Variants in CCSER1 observed in about 807,000 individuals in gnomAD.
CCSER1 encodes coiled-coil serine rich protein 1.
A neutral mutation model predicts 82.0 loss-of-function variants in CCSER1; 41 were observed. The ratio of observed to expected loss-of-function variants is 0.50; its 90% CI spans 0.39 to 0.65. The LOEUF (loss-of-function observed/expected upper bound fraction) is 0.65. Ranked by LOEUF, CCSER1 falls within the 30% of genes least tolerant of loss-of-function variation. The pLI is 0.00. For missense variants in CCSER1, 1,119 were observed against 1,064.2 expected, an observed-to-expected ratio of 1.05 and a Z score of -0.72; for synonymous variants, 414 against 383.9, an observed-to-expected ratio of 1.08 and a Z score of -0.92.
chr4:90,654,660 T>C (rs1182421720), intron 6 of CCSER1, among the ~76,000 whole-genome samples: 2 of 152,086 alleles, frequency 1.3e-5, no homozygotes, highest in Non-Finnish European at 2.9e-5. Context: ...AAACCACTTA[T>C]TTAGCCCTTT....
chr4:91,517,904 G>T (rs185168603), intron 10 of CCSER1, among the ~76,000 whole-genome samples: 1 of 135,834 alleles, frequency 7.4e-6, no homozygotes. Flanking sequence ...GTTTCACAGG[G>T]GGGGTATGAT....
At chr4:90,755,712 T>C (rs530297115) in intron 7 of CCSER1, among the ~76,000 whole-genome samples, 6 of 152,210 alleles carry the variant, frequency 3.9e-5, no homozygotes, top group South Asian at 2.1e-4. Context: ...CAAAACACTG[T>C]ATACTGTGAT....
intron 8 of CCSER1, among the ~76,000 whole-genome samples, chr4:90,843,929 A>G (rs908626626): frequency 6.6e-6 from 1 of 152,110 alleles, no homozygotes; most frequent in African/African-American, 2.4e-5. Context: ...TAAAGGTAAC[A>G]ATATAAAATG....
rs564904440 is a variant in CCSER1 at position 91,167,875 on chromosome 4, C to T, written c.2217+81881C>T. Among the ~76,000 whole-genome samples, 13 of 152,372 alleles carry T rather than the reference C, an allele frequency of 8.5e-5. 1 individual carries two copies. In the South Asian group the frequency reaches 2.5e-3, roughly 29 times the overall value. On this transcript the variant is annotated intron_variant, in intron 10 of 10. Transcript: ENST00000509176. ...ACAAACAAATTATGGCTGCTCACCCCATCTGGGAACTGAGGAGTGCCTCTG... is the reference window on the plus strand; with the variant it reads ...ACAAACAAATTATGGCTGCTCACCCTATCTGGGAACTGAGGAGTGCCTCTG...
At chr4:90,143,938 C>G (rs1010549797) in intron 1 of CCSER1, among the ~76,000 whole-genome samples, 17 of 152,170 alleles carry the variant, frequency 1.1e-4, no homozygotes, top group Non-Finnish European at 2.2e-4. Flanking sequence ...AGTCCTCCCA[C>G]CTCAGCCTCC....
At chr4:90,930,278 A>G (rs895102061) in intron 9 of CCSER1, among the ~76,000 whole-genome samples, 1 of 152,086 alleles carries the variant, frequency 6.6e-6, no homozygotes, top group Non-Finnish European at 1.5e-5. Context: ...AGTCTCTTAG[A>G]GTATCTAGTG....
intron 3 of CCSER1, among the ~76,000 whole-genome samples, chr4:90,345,449 G>A (rs1579301127): frequency 6.6e-6 from 1 of 152,042 alleles, no homozygotes; most frequent in East Asian, 1.9e-4. Context: ...ATTCTTCCCA[G>A]TGTGGTACTT....
At chr4:90,195,117 T>A (rs987470956) in intron 1 of CCSER1, among the ~76,000 whole-genome samples, 1 of 152,094 alleles carries the variant, frequency 6.6e-6, no homozygotes, top group Non-Finnish European at 1.5e-5. Flanking sequence ...CCAAAGGAAC[T>A]GAAAGCTTGT....
chr4:90,521,214 A>G (rs1303364909), intron 5 of CCSER1, among the ~76,000 whole-genome samples: 4 of 152,208 alleles, frequency 2.6e-5, no homozygotes, highest in Admixed American at 6.6e-5. Context: ...AAATGTATGC[A>G]TATGCCAATA....
At chr4:90,194,922 T>C (rs1291373573) in intron 1 of CCSER1, among the ~76,000 whole-genome samples, 3 of 152,084 alleles carry the variant, frequency 2.0e-5, no homozygotes, top group Non-Finnish European at 2.9e-5. Context: ...TATTAAGTTC[T>C]GTGAGTTTCA....
chr4:91,368,227 T>G (rs1025979910), intron 10 of CCSER1, among the ~76,000 whole-genome samples: 2 of 152,170 alleles, frequency 1.3e-5, no homozygotes, highest in African/African-American at 2.4e-5. Context: ...TAACTTACAC[T>G]GAAGTCTGTT....
chr4:90,558,532 A>C (rs1264561945), intron 5 of CCSER1, among the ~76,000 whole-genome samples: 1 of 152,056 alleles, frequency 6.6e-6, no homozygotes, highest in Non-Finnish European at 1.5e-5. Context: ...GACTATAGAT[A>C]AGTCCATAGA....
chr4:90,338,568 T>G (rs972216985), intron 3 of CCSER1, among the ~76,000 whole-genome samples: 5 of 152,240 alleles, frequency 3.3e-5, no homozygotes, highest in Non-Finnish European at 7.4e-5. Flanking sequence ...ATTGTTTTAC[T>G]CCAGCATAGT....
intron 5 of CCSER1, among the ~76,000 whole-genome samples, chr4:90,582,587 A>G (rs535149591): frequency 6.6e-6 from 1 of 152,342 alleles, no homozygotes; most frequent in South Asian, 2.1e-4. Context: ...TAACACCAAT[A>G]TACAGTCAAA....
At chr4:91,561,157 A>G (rs960024371) in intron 10 of CCSER1, among the ~76,000 whole-genome samples, 1 of 151,412 alleles carries the variant, frequency 6.6e-6, no homozygotes, top group East Asian at 1.9e-4. Flanking sequence ...GTGTTCTCAA[A>G]GTGTCGTGTC....
At chr4:90,787,679 T>C (rs930617429) in intron 7 of CCSER1, among the ~76,000 whole-genome samples, 4 of 152,182 alleles carry the variant, frequency 2.6e-5, no homozygotes, top group Non-Finnish European at 5.9e-5. Flanking sequence ...CTCTTACAAC[T>C]TGATTATGTG....
At chr4:90,747,922 A>G (rs529722035) in intron 7 of CCSER1, among the ~76,000 whole-genome samples, 114 of 151,374 alleles carry the variant, frequency 7.5e-4, no homozygotes, top group African/African-American at 2.5e-3. Flanking sequence ...TTGTTCTTGC[A>G]GTAGTTTACT....
intron 9 of CCSER1, among the ~76,000 whole-genome samples, chr4:91,007,474 C>G (rs970606745): frequency 9.9e-5 from 15 of 152,192 alleles, no homozygotes; most frequent in Middle Eastern, 3.4e-3. Context: ...TGTCATTAGT[C>G]TGTTCCAAAG....
At chr4:90,537,654 G>T (rs1775579467) in intron 5 of CCSER1, among the ~76,000 whole-genome samples, 1 of 152,156 alleles carries the variant, frequency 6.6e-6, no homozygotes, top group Non-Finnish European at 1.5e-5. Context: ...GTTGGTATGT[G>T]TGGAATTTAG....
Sources: gnomAD v4.1 joint callset for allele counts (sites outside exome capture counted in the v4.1 genomes callset) on GRCh38, gnomAD v4.1.1 for gene constraint, MANE v1.5 for transcripts, NCBI Gene and HGNC (gene_info 2026-07-23, HGNC 2026-07-21) for gene names.